DSCAM: variants seen among roughly 807,000 people sequenced by gnomAD.
DSCAM encodes cell adhesion molecule DSCAM.
A neutral mutation model predicts 217.7 loss-of-function variants in DSCAM; 47 were observed. That is an observed-to-expected ratio of 0.22 (90% CI 0.17 to 0.28). DSCAM has a LOEUF of 0.28. Among genes scored for constraint, DSCAM ranks in the 10% least tolerant of loss-of-function variants. The pLI, the probability that DSCAM is intolerant of heterozygous loss-of-function variation, is 1.00. For synonymous variants in DSCAM, 1,056 were observed against 1,015.3 expected (o/e 1.04, Z -0.76); for missense variants, 2,080 against 2,618.3 (o/e 0.79, Z 4.49).
chr21:40,168,010 G>A lies in DSCAM; in HGVS notation c.2948-722C>T, dbSNP rs545947520. On this transcript the variant is annotated intron_variant, in intron 15 of 32. Coordinates refer to ENST00000400454, the MANE Select transcript of DSCAM (RefSeq NM_001389.5). Reference sequence around the variant, plus strand: ...CAGGAGGCAGACGTTGCAGTAAGCCGAGATTGCGCCACTGCACTCCAGCCT... The same window carrying A: ...CAGGAGGCAGACGTTGCAGTAAGCCAAGATTGCGCCACTGCACTCCAGCCT... Among the ~76,000 whole-genome samples the A allele has an allele frequency of 3.9e-5, 6 of 152,234 alleles. No homozygotes were observed. In the East Asian group the frequency reaches 9.7e-4, roughly 25 times the overall value.
Position 40,650,740 on chromosome 21 carries a change from C to A in DSCAM, c.508+42070G>T, listed in dbSNP as rs573076352. 9.3e-4 allele frequency among the ~76,000 whole-genome samples: 142 copies of A among 152,252 alleles called. 1 individual carries two copies. The highest frequency in any genetic ancestry group is 3.1e-3 in the African/African-American group (130 of 41,542). On this transcript the variant is annotated intron_variant, in intron 3 of 32. Coordinates refer to ENST00000400454, the MANE Select transcript of DSCAM (RefSeq NM_001389.5). ...ACCAGCCTGGCCAATATGATGAAAC[C>A]CCATCTCTACTAAAATACAAAAAAT...
intron 11 of DSCAM, among the ~76,000 whole-genome samples, chr21:40,260,325 G>C (rs2073433026): frequency 6.6e-6 from 1 of 152,146 alleles, no homozygotes; most frequent in Non-Finnish European, 1.5e-5. Context: ...GAAATAAATA[G>C]GTGGGAAAAC....
intron 3 of DSCAM, among the ~76,000 whole-genome samples, chr21:40,465,080 T>C (rs866898842): frequency 2.0e-5 from 3 of 152,180 alleles, no homozygotes; most frequent in Non-Finnish European, 4.4e-5. Flanking sequence ...TGTTTTCGTC[T>C]GTTTAAAATG....
chr21:40,315,243 A>T (rs910701902), intron 8 of DSCAM, among the ~76,000 whole-genome samples: 5 of 123,348 alleles, frequency 4.1e-5, no homozygotes, highest in Admixed American at 1.6e-4. Context: ...TACTAAAAAT[A>T]AAAAAAAAAA....
intron 10 of DSCAM, among the ~76,000 whole-genome samples, chr21:40,286,006 G>A (rs191700461): frequency 6.8e-4 from 104 of 152,200 alleles, no homozygotes; most frequent in African/African-American, 2.4e-3. Context: ...TGGAGTCTTG[G>A]GGTGCTCTAA....
intron 1 of DSCAM, among the ~76,000 whole-genome samples, chr21:40,725,554 T>C (rs2066218346): frequency 2.0e-5 from 3 of 152,354 alleles, no homozygotes; most frequent in Admixed American, 2.0e-4. Flanking sequence ...GCCAAAACAT[T>C]TGTACCTTGA....
At chr21:40,547,817 T>A (rs572326472) in intron 3 of DSCAM, among the ~76,000 whole-genome samples, 1 of 152,198 alleles carries the variant, frequency 6.6e-6, no homozygotes, top group Non-Finnish European at 1.5e-5. Flanking sequence ...AGAACGTCTC[T>A]GCCACGTTCC....
chr21:40,374,941 A>G (rs963580897), intron 3 of DSCAM, among the ~76,000 whole-genome samples: 2 of 152,220 alleles, frequency 1.3e-5, no homozygotes, highest in Non-Finnish European at 2.9e-5. Context: ...TAGTAGCCCA[A>G]GCTGACCAAG....
rs183910786 is a variant in DSCAM at position 40,668,086 on chromosome 21, A to G, written c.508+24724T>C. Among the ~76,000 whole-genome samples the G allele has an allele frequency of 9.1e-4, 138 of 152,304 alleles. 2 individuals carry two copies. The highest frequency in any genetic ancestry group is 1.2e-3 in the Admixed American group (19 of 15,306). The stretch of plus-strand genomic sequence containing the variant: ...ATAGCCAGCATGTTTAGAGATACCA[A>G]ATACAGTTGCTAGAGCTCCAGGCAA... On this transcript the variant is annotated intron_variant, in intron 3 of 32. Transcript: ENST00000400454.
At chr21:40,622,255 T>C (rs1409332102) in intron 3 of DSCAM, among the ~76,000 whole-genome samples, 1 of 146,856 alleles carries the variant, frequency 6.8e-6, no homozygotes, top group Non-Finnish European at 1.5e-5. Flanking sequence ...AAGAAAAGGA[T>C]TTGAGTGTCC....
In DSCAM at chr21:40,078,949, C is replaced by T; in HGVS notation, c.4449G>A (p.Leu1483=). ...CGCGTGTGGTGTTGATGCTGGCAAA[C>T]AGCTCCTGCTCCTTTGAGAACTGGG... The part of the protein sequence containing the change: ...KEPQFSKEQE[L]FASINTTRVR... The change falls in exon 26 of 33, where the codon CTG becomes CTA. Residue 1483 remains leucine, a synonymous_variant. Transcript: ENST00000400454. 1 of 1,614,180 alleles carries T rather than the reference C, an allele frequency of 6.2e-7. No individual in the cohort carries two copies. The highest frequency in any genetic ancestry group is 1.1e-5 in the South Asian group (1 of 91,074).
chr21:40,583,389 T>A (rs1401313812), intron 3 of DSCAM, among the ~76,000 whole-genome samples: 1 of 152,154 alleles, frequency 6.6e-6, no homozygotes, highest in Admixed American at 6.5e-5. Context: ...CTTTCGGAAC[T>A]ATAACCCACA....
chr21:40,746,394 T>C (rs777101042), intron 1 of DSCAM, among the ~76,000 whole-genome samples: 1 of 137,682 alleles, frequency 7.3e-6, no homozygotes, highest in Non-Finnish European at 1.6e-5. Flanking sequence ...AAAGCAGGAA[T>C]AACAATATTT....
At chr21:40,297,162 T>C (rs1307335349) in intron 9 of DSCAM, among the ~76,000 whole-genome samples, 1 of 152,112 alleles carries the variant, frequency 6.6e-6, no homozygotes, top group Non-Finnish European at 1.5e-5. Context: ...AAAAACAAGA[T>C]ATTAAGTGAC....
chr21:40,272,989 G>A (rs923885889), intron 11 of DSCAM, among the ~76,000 whole-genome samples: 2 of 152,120 alleles, frequency 1.3e-5, no homozygotes, highest in African/African-American at 2.4e-5. Flanking sequence ...AGCTTTGGAC[G>A]AGTATTAGAC....
chr21:40,110,152 C>A (rs2089877369), intron 20 of DSCAM, among the ~76,000 whole-genome samples: 1 of 152,184 alleles, frequency 6.6e-6, no homozygotes, highest in African/African-American at 2.4e-5. Flanking sequence ...AGTAGCCTAA[C>A]TGGGAGGCAC....
At position 40,028,783 on chromosome 21, in the gene DSCAM, G is replaced by C. The variant is rs559891212; in HGVS notation, c.5686+13588C>G. The stretch of plus-strand genomic sequence containing the variant: ...CCGGTACCTCAGATGGAAATGCCGA[G>C]ATCACCCGTCTTCTGCGTCGCTCAC... On this transcript the variant is annotated intron_variant, in intron 32 of 32. Transcript: ENST00000400454. Among the ~76,000 whole-genome samples, 10 of 152,224 alleles carry C rather than the reference G, an allele frequency of 6.6e-5. 1 individual carries two copies. Among genetic ancestry groups the C allele is most frequent in the Admixed American group, 6.5e-4 (10 of 15,290 alleles).
At chr21:40,575,066 G>A (rs57781386) in intron 3 of DSCAM, among the ~76,000 whole-genome samples, 5,747 of 149,152 alleles carry the variant, frequency 0.039, 312 homozygotes, top group African/African-American at 0.13. Context: ...AGTGAAAATG[G>A]CCTGTTCCTG....
chr21:40,590,169 GC>G (rs1310695581), intron 3 of DSCAM, among the ~76,000 whole-genome samples: 1 of 152,224 alleles, frequency 6.6e-6, no homozygotes, highest in Admixed American at 6.5e-5. Context: ...GGAAGACCAA[GC>G]CTAGGCTCAA....
Sources: gnomAD v4.1 joint callset for allele counts (sites outside exome capture counted in the v4.1 genomes callset) on GRCh38, gnomAD v4.1.1 for gene constraint, MANE v1.5 for transcripts, NCBI Gene and HGNC (gene_info 2026-07-23, HGNC 2026-07-21) for gene names.